NDFIP1: variants seen among roughly 807,000 people sequenced by gnomAD.
NDFIP1 encodes the protein NEDD4 family-interacting protein 1.
Under a neutral mutation model 28.8 loss-of-function variants are expected in NDFIP1, and 7 were observed. The ratio of observed to expected loss-of-function variants is 0.24; its 90% CI spans 0.14 to 0.46. The LOEUF (loss-of-function observed/expected upper bound fraction) is 0.46. NDFIP1 is among the 20% of genes least tolerant of loss of function. NDFIP1 has a pLI of 0.99. For synonymous variants in NDFIP1, 92 were observed against 101.0 expected, an observed-to-expected ratio of 0.91 and a Z score of 0.53; for missense variants, 194 against 269.1, an observed-to-expected ratio of 0.72 and a Z score of 1.95.
rs60076432 is a variant in NDFIP1 at position 142,142,940 on chromosome 5, A to AAAATAT, written c.563-1630_563-1629insAATATA. 7.3e-4 allele frequency: 28 copies of AAAATAT among 38,130 alleles called. 1 individual carries two copies. Among genetic ancestry groups the AAAATAT allele is most frequent in the African/African-American group, 1.6e-3 (13 of 7,962 alleles). 2.4% of individuals were successfully genotyped at this position (38,130 alleles called of 1,614,324 possible). A position where few individuals can be genotyped will look rare whatever the true frequency, so the allele number is the denominator to read the frequency against. ...CTCAAAAAAAAAAAAAAAAAAAAAA[A>AAAATAT]ATATATATATATATATATATATATA... On this transcript the variant is annotated intron_variant, in intron 6 of 7. Coordinates refer to ENST00000253814, the MANE Select transcript of NDFIP1 (RefSeq NM_030571.4).
intron 1 of NDFIP1, among the ~76,000 whole-genome samples, chr5:142,109,380 G>A (rs1357760840): frequency 6.6e-6 from 1 of 152,218 alleles, no homozygotes; most frequent in Non-Finnish European, 1.5e-5. Context: ...CCTTTGGTTT[G>A]ATGTCATTGG....
chr5:142,125,259 G>A (rs529333162), intron 1 of NDFIP1, among the ~76,000 whole-genome samples: 1 of 152,276 alleles, frequency 6.6e-6, no homozygotes, highest in African/African-American at 2.4e-5. Context: ...TGGCTATTAT[G>A]GATAATGCTA....
At chr5:142,144,969 C>T (rs1561605064) in intron 7 of NDFIP1, among the ~76,000 whole-genome samples, 1 of 152,206 alleles carries the variant, frequency 6.6e-6, no homozygotes, top group Non-Finnish European at 1.5e-5. Context: ...GGCTGCTTGA[C>T]TGAATTCCAG....
intron 1 of NDFIP1, among the ~76,000 whole-genome samples, chr5:142,122,205 C>T (rs948180263): frequency 6.6e-6 from 1 of 152,206 alleles, no homozygotes; most frequent in Non-Finnish European, 1.5e-5. Flanking sequence ...ACTCTCCTCC[C>T]GGGACATACT....
At chr5:142,129,447 G>A (rs1757203949) in intron 1 of NDFIP1, among the ~76,000 whole-genome samples, 1 of 152,126 alleles carries the variant, frequency 6.6e-6, no homozygotes, top group African/African-American at 2.4e-5. Context: ...GCTATTTTGG[G>A]AGTACCTTAA....
At chr5:142,112,493 C>T (rs532313456) in intron 1 of NDFIP1, among the ~76,000 whole-genome samples, 6 of 146,730 alleles carry the variant, frequency 4.1e-5, no homozygotes, top group South Asian at 2.2e-4. Flanking sequence ...AGGCTGGGAT[C>T]GCGCCACTGT....
intron 1 of NDFIP1, among the ~76,000 whole-genome samples, chr5:142,115,866 G>A (rs567255462): frequency 6.6e-6 from 1 of 152,050 alleles, no homozygotes; most frequent in South Asian, 2.1e-4. Context: ...GAAAATAGGG[G>A]AAAATAACCA....
At chr5:142,134,874 A>G (rs1757258515) in intron 3 of NDFIP1, among the ~76,000 whole-genome samples, 1 of 152,224 alleles carries the variant, frequency 6.6e-6, no homozygotes, top group Admixed American at 6.5e-5. Context: ...ATACAAATAC[A>G]TGCTTATGGA....
chr5:142,136,682 G>T (rs952103938), intron 4 of NDFIP1, among the ~76,000 whole-genome samples: 1 of 150,986 alleles, frequency 6.6e-6, no homozygotes, highest in African/African-American at 2.4e-5. Context: ...TTGAACCCGG[G>T]AGGCAGAGGT....
chr5:142,144,327 C>A, intron 6 of NDFIP1: 2 of 271,510 alleles, frequency 7.4e-6, no homozygotes, highest in Non-Finnish European at 7.0e-6. Flanking sequence ...TTTTTTATTT[C>A]CTTTTTAGAC....
Position 142,149,681 on chromosome 5 carries a change from T to C in NDFIP1, c.*3-2050T>C, listed in dbSNP as rs2126924969. Among the ~76,000 whole-genome samples, 2 of 152,292 alleles carry C rather than the reference T, an allele frequency of 1.3e-5. 1 individual carries two copies. The highest frequency in any genetic ancestry group is 4.1e-4 in the South Asian group (2 of 4,822). ...CTTGAGATATTTTATTTTAATTTAA[T>C]TTTTACTTCTCTTACTGAACAAGCA... is the stretch of plus-strand genomic sequence containing the variant. On this transcript the variant is annotated intron_variant, in intron 7 of 7. Transcript: ENST00000253814.
intron 1 of NDFIP1, among the ~76,000 whole-genome samples, chr5:142,109,982 G>T (rs892483683): frequency 6.6e-6 from 1 of 152,158 alleles, no homozygotes; most frequent in Non-Finnish European, 1.5e-5. Flanking sequence ...TGCTTTCGGT[G>T]CATACAGATG....
chr5:142,140,705 G>T (rs1402701795), intron 6 of NDFIP1, 76 bp downstream of exon 6: 2 of 1,190,640 alleles, frequency 1.7e-6, no homozygotes, highest in South Asian at 2.7e-5. Context: ...TGTAGTAAAT[G>T]TTCATCTTGA....
chr5:142,108,871 C>A lies in NDFIP1; in HGVS notation c.-104C>A. The A allele has an allele frequency of 9.4e-7, 1 of 1,065,048 alleles. No individual in the cohort carries two copies. The highest frequency in any genetic ancestry group is 1.2e-6 in the Non-Finnish European group (1 of 809,640). The allele number at this position is 1,065,048 out of a possible 1,614,324, so 66.0% of individuals were successfully genotyped here. On this transcript the variant is annotated 5_prime_UTR_variant, in exon 1 of 8. Coordinates refer to ENST00000253814, the MANE Select transcript of NDFIP1 (RefSeq NM_030571.4). ...AGCGGCGGCGGCCATCGAGACCCAC[C>A]CAAGGCGCGTCCCCCTCGGCCTCCC...
At chr5:142,117,799 C>T (rs1191792390) in intron 1 of NDFIP1, among the ~76,000 whole-genome samples, 2 of 149,172 alleles carry the variant, frequency 1.3e-5, no homozygotes, top group Non-Finnish European at 3.0e-5. Flanking sequence ...ATAGTCTCGG[C>T]TCACTGCAAC....
intron 1 of NDFIP1, among the ~76,000 whole-genome samples, chr5:142,120,917 C>G (rs1045866893): frequency 6.6e-6 from 1 of 152,204 alleles, no homozygotes; most frequent in African/African-American, 2.4e-5. Context: ...GGTGGACTCT[C>G]CTGAATAGAA....
chr5:142,128,565 T>G (rs1184442019), intron 1 of NDFIP1, among the ~76,000 whole-genome samples: 1 of 152,164 alleles, frequency 6.6e-6, no homozygotes, highest in African/African-American at 2.4e-5. Flanking sequence ...TTACTCTTTT[T>G]GAAGGTGATT....
intron 7 of NDFIP1, 106 bp downstream of exon 7, chr5:142,144,782 G>A (rs1483711162): frequency 3.1e-6 from 2 of 640,792 alleles, no homozygotes; most frequent in Non-Finnish European, 5.3e-6. Flanking sequence ...TATAGAGAAA[G>A]TAAAGAAGGC....
intron 4 of NDFIP1, among the ~76,000 whole-genome samples, chr5:142,136,797 G>A (rs1421812829): frequency 3.3e-5 from 5 of 149,370 alleles, no homozygotes; most frequent in Non-Finnish European, 7.4e-5. Context: ...TGGGCACAGT[G>A]GCTCATGCCT....
Sources: allele counts gnomAD v4.1 joint callset (sites outside exome capture counted in the v4.1 genomes callset), GRCh38; gene constraint gnomAD v4.1.1; transcripts MANE v1.5; gene names NCBI Gene and HGNC (gene_info 2026-07-23, HGNC 2026-07-21).